The following TMEM181 variants were observed in gnomAD, a reference collection of about 807,000 sequenced individuals.
TMEM181 encodes transmembrane protein 181.
A neutral mutation model predicts 71.9 loss-of-function variants in TMEM181; 39 were observed. The observed-to-expected ratio is 0.54, with a 90% CI of 0.42 to 0.71. The LOEUF (loss-of-function observed/expected upper bound fraction) is 0.71, where lower values mean the gene tolerates loss of function less well. Among genes scored for constraint, TMEM181 ranks in the 30% least tolerant of loss-of-function variants. The pLI is 0.00. For missense variants in TMEM181, 595 were observed against 583.0 expected (o/e 1.02, Z -0.21); for synonymous variants, 245 against 228.8 (o/e 1.07, Z -0.64).
At position 158,585,330 on chromosome 6, in the gene TMEM181, A is replaced by T. The variant is rs1440530754; in HGVS notation, c.286A>T (p.Met96Leu). ...KETSIKTSFPMTVKVDGVAQD... is the reference protein window; with the variant it reads ...KETSIKTSFPLTVKVDGVAQD... ...AACTTCTATTAAGACAAGCTTTCCC[A>T]TGACTGTTAAAGTCGATGGTGTAGC... Residue 96 changes from methionine (M) to leucine (L), a missense_variant, in exon 5 of 17, where the codon ATG becomes TTG. Transcript: ENST00000684151. 1 of 1,606,888 alleles carries T rather than the reference A, an allele frequency of 6.2e-7. No individual in the cohort carries two copies. The highest frequency in any genetic ancestry group is 8.5e-7 in the Non-Finnish European group (1 of 1,178,152).
intron 1 of TMEM181, among the ~76,000 whole-genome samples, chr6:158,544,348 G>A (rs151323103): frequency 2.0e-3 from 310 of 152,076 alleles, no homozygotes; most frequent in African/African-American, 6.4e-3. Context: ...AAACCCCTCC[G>A]TCCCAGAAAA....
chr6:158,536,674 G>A (rs1421418259), exon 1 of TMEM181: 1 of 1,518,476 alleles, frequency 6.6e-7, no homozygotes, highest in South Asian at 1.2e-5. Context: ...AGAAGAGAGG[G>A]GGCGCAGGCG....
upstream of TMEM181, among the ~76,000 whole-genome samples, chr6:158,556,296 T>A (rs1273092905): frequency 6.6e-6 from 1 of 152,144 alleles, no homozygotes; most frequent in East Asian, 1.9e-4. Context: ...CTCAAGTGAG[T>A]ACCACACACC....
chr6:158,626,634 A>G (rs1305164255), intron 13 of TMEM181: 5 of 453,166 alleles, frequency 1.1e-5, no homozygotes, highest in Non-Finnish European at 2.2e-5. Context: ...CTTGAACTCA[A>G]ATTTCATTCA....
At chr6:158,607,509 A>C (rs1785019118) in intron 8 of TMEM181, among the ~76,000 whole-genome samples, 166 bp downstream of exon 8, 1 of 152,170 alleles carries the variant, frequency 6.6e-6, no homozygotes, top group African/African-American at 2.4e-5. Flanking sequence ...AAGACTCTAC[A>C]AAAAATAAAA....
In TMEM181 at chr6:158,622,072, C is replaced by T. The variant is rs139451548; in HGVS notation, c.897-1478C>T. ...GCCCAGACACCCGCCCTGCCTGCCC[C>T]GTTGGGCCGCCCACACTGTTCTGCC... On this transcript the variant is annotated intron_variant, in intron 10 of 16. Coordinates refer to ENST00000684151, the MANE Select transcript of TMEM181 (RefSeq NM_001376852.1). Among the ~76,000 whole-genome samples, 1,079 of 152,250 alleles carry T rather than the reference C, an allele frequency of 7.1e-3. 14 individuals carry two copies. The highest frequency in any genetic ancestry group is 0.024 in the African/African-American group (1,005 of 41,542).
chr6:158,588,925 C>A (rs73796517), intron 5 of TMEM181, among the ~76,000 whole-genome samples: 1 of 152,126 alleles, frequency 6.6e-6, no homozygotes, highest in East Asian at 1.9e-4. Flanking sequence ...AAGGCAGGGC[C>A]GGGGCAGAGC....
At chr6:158,580,057 G>A (rs778829942) in intron 2 of TMEM181, among the ~76,000 whole-genome samples, 44 of 152,174 alleles carry the variant, frequency 2.9e-4, no homozygotes, top group Non-Finnish European at 6.3e-4. Context: ...CGGGCATGGC[G>A]CAGTGGCTCA....
chr6:158,542,867 G>GT (rs1562611228), intron 1 of TMEM181, among the ~76,000 whole-genome samples: 40 of 130,718 alleles, frequency 3.1e-4, no homozygotes, highest in East Asian at 1.7e-3. Context: ...CCTCCAGAGT[G>GT]GTTTTTTTTT....
intron 1 of TMEM181, among the ~76,000 whole-genome samples, chr6:158,553,872 C>T (rs914699436): frequency 6.6e-6 from 1 of 152,040 alleles, no homozygotes; most frequent in Admixed American, 6.6e-5. Context: ...CCAACAGGTC[C>T]TCAAATGATG....
intron 1 of TMEM181, among the ~76,000 whole-genome samples, chr6:158,548,036 C>A (rs1405324007): frequency 1.3e-5 from 2 of 152,294 alleles, no homozygotes; most frequent in Middle Eastern, 3.4e-3. Flanking sequence ...CTTCGCCCCA[C>A]GCTGACTGAA....
chr6:158,628,608 C>T (rs1410858623), intron 14 of TMEM181, 118 bp downstream of exon 14: 19 of 817,916 alleles, frequency 2.3e-5, no homozygotes, highest in African/African-American at 5.1e-5. Flanking sequence ...CCCTGTTCTC[C>T]GGAGGCCTCG....
At chr6:158,594,399 A>G (rs576006610) in intron 6 of TMEM181, among the ~76,000 whole-genome samples, 1 of 152,070 alleles carries the variant, frequency 6.6e-6, no homozygotes, top group East Asian at 1.9e-4. Flanking sequence ...GTGCCAGGCC[A>G]TGGTTTTGCT....
Position 158,607,355 on chromosome 6 carries a change from C to T in TMEM181, c.673+12C>T, listed in dbSNP as rs770081502. 2.0e-5 allele frequency: 33 copies of T among 1,611,620 alleles called. No homozygotes were observed. In the African/African-American group the frequency reaches 3.9e-4, roughly 19 times the overall value. On this transcript the variant is annotated intron_variant, in intron 8 of 16. Coordinates refer to ENST00000684151, the MANE Select transcript of TMEM181 (RefSeq NM_001376852.1). Reference sequence around the variant, plus strand: ...GCTACTTTACAATGGTGGGTAGTTCCATTTTTACTTAGGAACTTTTCCCTT... The same window carrying T: ...GCTACTTTACAATGGTGGGTAGTTCTATTTTTACTTAGGAACTTTTCCCTT...
chr6:158,592,036 C>G (rs528317403), intron 6 of TMEM181, among the ~76,000 whole-genome samples: 2 of 152,198 alleles, frequency 1.3e-5, no homozygotes, highest in Admixed American at 1.3e-4. Context: ...AATTACACCA[C>G]AGCCAGAGCC....
intron 10 of TMEM181, among the ~76,000 whole-genome samples, chr6:158,619,846 C>T (rs978859118): frequency 9.2e-5 from 12 of 130,310 alleles, no homozygotes; most frequent in Admixed American, 2.9e-4. Flanking sequence ...TCCAGCCTGG[C>T]GACACAGCGA....
At chr6:158,605,160 ATG>A (rs1554227518) in intron 6 of TMEM181, 105 bp from the exon 7 acceptor site, 3 of 523,758 alleles carry the variant, frequency 5.7e-6, no homozygotes, top group South Asian at 3.4e-5. Context: ...GTGTGTGTGT[ATG>A]TGTATATATT....
At chr6:158,604,566 C>T (rs1278473139) in intron 6 of TMEM181, among the ~76,000 whole-genome samples, 3 of 152,212 alleles carry the variant, frequency 2.0e-5, no homozygotes, top group African/African-American at 7.2e-5. Context: ...TCCTCGGCTC[C>T]ATCAGTGCAC....
At chr6:158,606,842 A>G (rs1784984471) in intron 7 of TMEM181, among the ~76,000 whole-genome samples, 2 of 152,122 alleles carry the variant, frequency 1.3e-5, no homozygotes. Context: ...TGTCACACCC[A>G]CAGATGTGGC....
Sources: gnomAD v4.1 joint callset for allele counts (sites outside exome capture counted in the v4.1 genomes callset) on GRCh38, gnomAD v4.1.1 for gene constraint, MANE v1.5 for transcripts, NCBI Gene and HGNC (gene_info 2026-07-23, HGNC 2026-07-21) for gene names.